The following TBC1D16 variants were observed in gnomAD, a reference collection of about 807,000 sequenced individuals.
TBC1D16 encodes the protein CTD-2529O21.1.
Under a neutral mutation model 74.7 loss-of-function variants are expected in TBC1D16, and 58 were observed. The ratio of observed to expected loss-of-function variants is 0.78; its 90% CI spans 0.63 to 0.97. TBC1D16 has a LOEUF of 0.97. Ranked by LOEUF, TBC1D16 falls within the 50% of genes least tolerant of loss-of-function variation. The pLI, the probability that TBC1D16 is intolerant of heterozygous loss-of-function variation, is 0.00. For missense variants in TBC1D16, 1,014 were observed against 1,079.5 expected (o/e 0.94, Z 0.85); for synonymous variants, 493 against 474.7 (o/e 1.04, Z -0.50).
rs1453608590 is a variant in TBC1D16 at position 79,947,812 on chromosome 17, C to T, written c.1561G>A (p.Ala521Thr). 6.8e-6 allele frequency: 11 copies of T among 1,613,466 alleles called. No homozygotes were observed. Among genetic ancestry groups the T allele is most frequent in the South Asian group, 2.2e-5 (2 of 91,072 alleles). The stretch of plus-strand genomic sequence containing the variant: ...TAGCCGACGGCAGGGTTGTACACGG[C>T]GTAGTTCAGCAGGATCCTCCTGGGA... ...ESMRRILLNY[A>T]VYNPAVGYSQ... The change falls in exon 9 of 12, where the codon GCC becomes ACC. Residue 521 changes from alanine (A) to threonine (T), a missense_variant. Transcript: ENST00000310924.
intron 2 of TBC1D16, among the ~76,000 whole-genome samples, chr17:80,011,289 C>T (rs774067164): frequency 1.3e-5 from 2 of 151,636 alleles, no homozygotes; most frequent in African/African-American, 4.8e-5. Flanking sequence ...TCAAGCGAAC[C>T]GCCCACCTCA....
At chr17:79,967,054 CA>C (rs1359652937) in intron 3 of TBC1D16, among the ~76,000 whole-genome samples, 19 of 152,100 alleles carry the variant, frequency 1.2e-4, no homozygotes, top group Non-Finnish European at 1.9e-4. Context: ...GGAACTTCCT[CA>C]ATCTAATAAA....
chr17:79,982,198 G>A (rs985978015), intron 3 of TBC1D16, among the ~76,000 whole-genome samples: 1 of 150,240 alleles, frequency 6.7e-6, no homozygotes, highest in Non-Finnish European at 1.5e-5. Context: ...CCAGGCTGGA[G>A]TGCAGTGACA....
At chr17:80,006,116 G>A (rs2035666473) in intron 3 of TBC1D16, among the ~76,000 whole-genome samples, 1 of 152,176 alleles carries the variant, frequency 6.6e-6, no homozygotes, top group Non-Finnish European at 1.5e-5. Flanking sequence ...ACCCCTGCCT[G>A]GCGGGATGGC....
At chr17:80,032,383 T>A (rs1598458108) in intron 1 of TBC1D16, among the ~76,000 whole-genome samples, 1 of 152,288 alleles carries the variant, frequency 6.6e-6, no homozygotes, top group East Asian at 1.9e-4. Context: ...TTCTTTCTGT[T>A]ATTCATGTGT....
chr17:79,958,526 A>C (rs534915398), intron 3 of TBC1D16, among the ~76,000 whole-genome samples: 69 of 152,334 alleles, frequency 4.5e-4, no homozygotes, highest in African/African-American at 1.6e-3. Flanking sequence ...CCCTGACCAA[A>C]TATTTCTGAA....
At chr17:80,015,790 C>T (rs2036065882) in intron 1 of TBC1D16, among the ~76,000 whole-genome samples, 1 of 152,102 alleles carries the variant, frequency 6.6e-6, no homozygotes, top group African/African-American at 2.4e-5. Flanking sequence ...ATGGGCGGAT[C>T]ACCTGAGGTC....
chr17:79,963,978 C>T (rs982104543), intron 3 of TBC1D16, among the ~76,000 whole-genome samples: 8 of 151,606 alleles, frequency 5.3e-5, no homozygotes, highest in African/African-American at 1.9e-4. Flanking sequence ...TTGTGTGTGT[C>T]TGTTTGTTTG....
intron 3 of TBC1D16, among the ~76,000 whole-genome samples, chr17:79,974,402 C>T (rs1392938922): frequency 6.6e-6 from 1 of 152,146 alleles, no homozygotes; most frequent in Non-Finnish European, 1.5e-5. Context: ...CCACGCCTGG[C>T]TAATTTTTGT....
At position 79,940,925 on chromosome 17, in the gene TBC1D16, G is replaced by C; in HGVS notation, c.2238C>G (p.Pro746=). 1.3e-6 allele frequency: 2 copies of C among 1,593,618 alleles called. No individual in the cohort carries two copies. Among genetic ancestry groups the C allele is most frequent in the Non-Finnish European group, 1.7e-6 (2 of 1,168,128 alleles). The stretch of plus-strand genomic sequence containing the variant: ...CCTTCTTGCCTTCCCTCAGGGACTT[G>C]GGGGAAGGCATCTCCACCGTGCCCC... ...PYGGTVEMPS[P]KSLREGKKGP... The change falls in exon 12 of 12, where the codon CCC becomes CCG. Residue 746 remains proline, a synonymous_variant. Coordinates refer to ENST00000310924, the MANE Select transcript of TBC1D16 (RefSeq NM_019020.4). The surrounding 1 kb of genome is among the most constrained non-coding windows in gnomAD (Gnocchi z 5.4).
Position 79,956,141 on chromosome 17 carries a change from C to T in TBC1D16, c.780-3323G>A, listed in dbSNP as rs2033324206. On this transcript the variant is annotated intron_variant, in intron 3 of 11. Coordinates refer to ENST00000310924, the MANE Select transcript of TBC1D16 (RefSeq NM_019020.4). The surrounding 1 kb of genome is among the most constrained non-coding windows in gnomAD (Gnocchi z 4.0). The stretch of plus-strand genomic sequence containing the variant: ...AGGCCGTTCCAGACCCTCCGCCCAC[C>T]CAAGCCTCCTGGTGGCTGCAGCGAC... 6.6e-6 allele frequency among the ~76,000 whole-genome samples: 1 copy of T among 152,240 alleles called. No homozygotes were observed. Among genetic ancestry groups the T allele is most frequent in the African/African-American group, 2.4e-5 (1 of 41,462 alleles).
At chr17:80,015,082 T>G (rs1480121209) in intron 1 of TBC1D16, among the ~76,000 whole-genome samples, 3 of 152,096 alleles carry the variant, frequency 2.0e-5, no homozygotes, top group Non-Finnish European at 4.4e-5. Flanking sequence ...TATACACACA[T>G]GGAGCTCACA....
At position 79,983,857 on chromosome 17, in the gene TBC1D16, A is replaced by C. The variant is rs9892209; in HGVS notation, c.779+26303T>G. Among the ~76,000 whole-genome samples, 6 of 151,886 alleles carry C rather than the reference A, an allele frequency of 4.0e-5. No individual in the cohort carries two copies. The highest frequency in any genetic ancestry group is 1.5e-4 in the African/African-American group (6 of 41,290). On this transcript the variant is annotated intron_variant, in intron 3 of 11. Transcript: ENST00000310924. The surrounding 1 kb of genome is among the most constrained non-coding windows in gnomAD (Gnocchi z 5.6). ...TCTTTGGCATGTATCAAATATGACA[A>C]AATTTAAAAAAAATTTAAATTTATT...
At chr17:79,945,200 A>G in intron 9 of TBC1D16, 113 bp from the exon 10 acceptor site, 2 of 1,181,052 alleles carry the variant, frequency 1.7e-6, no homozygotes, top group Non-Finnish European at 2.3e-6. Flanking sequence ...GGAAAAGCAC[A>G]CCCAGGGGCC....
At chr17:80,013,635 G>A (rs2035982454) in intron 1 of TBC1D16, 26 bp from the exon 2 acceptor site, 2 of 1,372,708 alleles carry the variant, frequency 1.5e-6, no homozygotes, top group East Asian at 2.6e-5. Flanking sequence ...AGAGGAGATG[G>A]TCAAGGTTGT....
chr17:79,959,390 T>C (rs1022144839), intron 3 of TBC1D16, among the ~76,000 whole-genome samples: 2 of 152,156 alleles, frequency 1.3e-5, no homozygotes, highest in South Asian at 4.1e-4. Flanking sequence ...TGAAAATTGA[T>C]AAGTTGACCC....
chr17:79,949,736 A>T lies in TBC1D16; in HGVS notation c.1387T>A (p.Ser463Thr), dbSNP rs1448712020. 2 of 1,612,536 alleles carry T rather than the reference A, an allele frequency of 1.2e-6. No individual in the cohort carries two copies. Among genetic ancestry groups the T allele is most frequent in the South Asian group, 1.1e-5 (1 of 91,054 alleles). The change falls in exon 7 of 12, where the codon TCT becomes ACT. Residue 463 changes from serine to threonine, a missense_variant. Ser to Thr is a moderately conservative substitution (Grantham distance 58). Coordinates refer to ENST00000310924, the MANE Select transcript of TBC1D16 (RefSeq NM_019020.4). ...ALRLQKRKEY[S>T]EIQQKRLSMT... is the part of the protein sequence containing the mutation. Reference sequence around the variant, plus strand: ...GGTTACCTTTTCTGCTGGATCTCAGAGTACTCCTTTCGCTTCTGCAGCCGC... The same window carrying T: ...GGTTACCTTTTCTGCTGGATCTCAGTGTACTCCTTTCGCTTCTGCAGCCGC...
In TBC1D16 at chr17:79,979,127, C is replaced by G. The variant is rs780660250; in HGVS notation, c.780-26309G>C. On this transcript the variant is annotated intron_variant, in intron 3 of 11. Transcript: ENST00000310924. This position sits in a 1 kb window ranked among gnomAD's most constrained non-coding sequence, Gnocchi z 4.8. ...CGTGGGCTCCACGCTCTCAGCCTGT[C>G]CATCAGCAGCACACCTGGGAGATTC... is the stretch of plus-strand genomic sequence containing the variant. 6.6e-5 allele frequency among the ~76,000 whole-genome samples: 10 copies of G among 152,228 alleles called. No homozygotes were observed. Among genetic ancestry groups the G allele is most frequent in the Non-Finnish European group, 1.3e-4 (9 of 68,040 alleles).
intron 3 of TBC1D16, among the ~76,000 whole-genome samples, chr17:79,974,081 G>A (rs1017790606): frequency 6.6e-6 from 1 of 152,184 alleles, no homozygotes; most frequent in African/African-American, 2.4e-5. Flanking sequence ...GTCAAATAAA[G>A]GTGACTTGAA....
Sources: gnomAD v4.1 joint callset for allele counts (sites outside exome capture counted in the v4.1 genomes callset) on GRCh38, gnomAD v4.1.1 for gene constraint, Gnocchi (gnomAD v3.1) non-coding constraint, MANE v1.5 for transcripts, NCBI Gene and HGNC (gene_info 2026-07-23, HGNC 2026-07-21) for gene names.